TRPM5: variants seen among roughly 807,000 people sequenced by gnomAD.
TRPM5 encodes transient receptor potential cation channel subfamily M member 5, also known as MLSN1 and TRP-related.
In TRPM5, 121 loss-of-function variants were observed where a neutral mutation model predicts 124.9. The observed-to-expected ratio is 0.97, with a 90% CI of 0.84 to 1.13. TRPM5 has a LOEUF of 1.13. TRPM5 is among the 50% of genes most tolerant of loss of function. The pLI is 0.00. For synonymous variants in TRPM5, 781 were observed against 700.5 expected (o/e 1.11, Z -1.81); for missense variants, 1,643 against 1,589.1 (o/e 1.03, Z -0.58).
chr11:2,404,767 G>C (rs1014043682), exon 24 of TRPM5: 8 of 587,932 alleles, frequency 1.4e-5, no homozygotes, highest in Non-Finnish European at 2.4e-5. Flanking sequence ...GGAGGGACAA[G>C]GAGCGGTTCC....
At chr11:2,417,702 C>T (rs757057222) in intron 7 of TRPM5, 25 bp downstream of exon 12, 2 of 1,244,856 alleles carry the variant, frequency 1.6e-6, no homozygotes, top group Non-Finnish European at 1.2e-6. Flanking sequence ...ATGGCGCCTG[C>T]CTTGCCCACC....
chr11:2,415,025 G>T, exon 10 of TRPM5: 1 of 1,602,770 alleles, frequency 6.2e-7, no homozygotes, highest in Non-Finnish European at 8.5e-7. Context: ...CTGGCCCGTG[G>T]GCCGCTTGGC....
intron 12 of TRPM5, 114 bp from the exon 18 acceptor site, chr11:2,413,702 C>A: frequency 1.0e-6 from 1 of 974,794 alleles, no homozygotes; most frequent in Non-Finnish European, 1.6e-6. Context: ...AAGGGGTGCC[C>A]AGCCCAGCCC....
upstream of TRPM5, among the ~76,000 whole-genome samples, chr11:2,425,046 T>C (rs1208008960): frequency 1.3e-5 from 2 of 152,204 alleles, no homozygotes; most frequent in Non-Finnish European, 2.9e-5. Context: ...AGAGGCAGGA[T>C]TTGAATACGG....
intron 20 of TRPM5, 136 bp downstream of exon 25, chr11:2,406,983 G>A (rs1326629650): frequency 1.5e-6 from 2 of 1,313,978 alleles, no homozygotes; most frequent in Non-Finnish European, 2.0e-6. Flanking sequence ...GTGCCAGCCT[G>A]CACAGAGCCC....
At position 2,418,609 on chromosome 11, in the gene TRPM5, G is replaced by A. The variant is rs767682682; in HGVS notation, c.650-18C>T. 144 of 1,607,000 alleles carry A rather than the reference G, an allele frequency of 9.0e-5. No homozygotes were observed. The highest frequency in any genetic ancestry group is 1.1e-4 in the Non-Finnish European group (131 of 1,177,418). ...GCCAGTGCCTGTGGACAGGGCACCC[G>A]TGAGGCCTGAGGACCCTCCGCCTGG... On this transcript the variant is annotated intron_variant, in intron 4 of 23. Transcript: ENST00000155858.
chr11:2,443,984 G>A, the TRPM5 span, among the ~76,000 whole-genome samples: 1 of 152,184 alleles, frequency 6.6e-6, no homozygotes, highest in Non-Finnish European at 1.5e-5. The surrounding 1 kb of genome is among the most constrained non-coding windows in gnomAD (Gnocchi z 5.0). Flanking sequence ...GGGAGGACAA[G>A]GCGCCCATTC....
At chr11:2,420,186 C>T in intron 4 of TRPM5, 36 bp downstream of exon 9, 1 of 1,563,440 alleles carries the variant, frequency 6.4e-7, no homozygotes, top group Non-Finnish European at 8.6e-7. Flanking sequence ...CCCACTGGGT[C>T]CCAAGGCTTC....
the TRPM5 span, among the ~76,000 whole-genome samples, chr11:2,444,064 G>A: frequency 6.6e-6 from 1 of 151,864 alleles, no homozygotes; most frequent in Non-Finnish European, 1.5e-5. Context: ...GCTATGCCCG[G>A]CAGTCAAACC....
chr11:2,405,122 G>A (rs2133493807), intron 23 of TRPM5, 79 bp from the exon 29 acceptor site: 1 of 1,265,044 alleles, frequency 7.9e-7, no homozygotes, highest in East Asian at 2.5e-5. Flanking sequence ...CTGGCTCAGA[G>A]GCAAGGGCCA....
chr11:2,421,203 G>A lies in TRPM5; in HGVS notation c.299-5C>T, dbSNP rs1250441623. On this transcript the variant is annotated splice_region_variant and splice_polypyrimidine_tract_variant and intron_variant, in intron 2 of 23. Transcript: ENST00000155858. ...CACTGGTCAGGATCCAGGCTCCTGT[G>A]GGGATGGAAGAGGGCCTCGTTGTGC... The A allele has an allele frequency of 6.5e-7, 1 of 1,535,102 alleles. No individual in the cohort carries two copies. Among genetic ancestry groups the A allele is most frequent in the Non-Finnish European group, 8.7e-7 (1 of 1,143,710 alleles).
At position 2,407,190 on chromosome 11, in the gene TRPM5, A is replaced by C. The variant is rs755861367; in HGVS notation, c.3047T>G (p.Leu1016Arg). 3 of 1,607,098 alleles carry C rather than the reference A, an allele frequency of 1.9e-6. No individual in the cohort carries two copies. In the South Asian group the frequency reaches 3.3e-5, roughly 18 times the overall value. The change falls in exon 20 of 24, where the codon CTG becomes CGG. Residue 1016 changes from leucine to arginine, a missense_variant. Physicochemically the swap from Leu to Arg is moderately radical, Grantham distance 102. Coordinates refer to ENST00000155858, the Ensembl canonical transcript of TRPM5. ...GAGCGTCAGGCTCAGGTGGCTGAGC[A>C]GGATGAAGGGCGGGGCCAGGGCGGG...
intron 6 of TRPM5, 87 bp downstream of exon 11, chr11:2,418,080 G>A (rs1227059701): frequency 1.6e-6 from 2 of 1,277,494 alleles, no homozygotes; most frequent in Non-Finnish European, 2.2e-6. Flanking sequence ...GGAGTGGGCT[G>A]GAGGCTGCAT....
intron 18 of TRPM5, among the ~76,000 whole-genome samples, chr11:2,409,693 G>A (rs1850403737): frequency 6.6e-6 from 1 of 152,132 alleles, no homozygotes; most frequent in African/African-American, 2.4e-5. Flanking sequence ...AACCTGAAGG[G>A]CCCAGATACT....
At chr11:2,422,056 C>T (rs111967878) in intron 2 of TRPM5, 85 bp downstream of exon 7, 14,857 of 857,980 alleles carry the variant, frequency 0.017, 2 homozygotes, top group Admixed American at 0.041. Flanking sequence ...GGTGGGAGCA[C>T]TGCCTGTGCC....
intron 4 of TRPM5, among the ~76,000 whole-genome samples, chr11:2,419,002 G>A (rs192608944): frequency 4.6e-5 from 7 of 152,232 alleles, no homozygotes; most frequent in Admixed American, 6.5e-5. Context: ...AGGTACAGGA[G>A]GGAGTCTTCA....
exon 12 of TRPM5, chr11:2,414,119 C>T (rs1221128456): frequency 6.2e-7 from 1 of 1,602,024 alleles, no homozygotes; most frequent in South Asian, 1.1e-5. Flanking sequence ...CAGGTGCAGG[C>T]AGGTGGTCTT....
intron 4 of TRPM5, 98 bp downstream of exon 9, chr11:2,420,124 C>T (rs987308570): frequency 2.9e-5 from 40 of 1,399,140 alleles, no homozygotes; most frequent in Admixed American, 1.1e-4. Context: ...GGAAGCCCTC[C>T]CCCTTCTCCC....
chr11:2,418,734 A>G (rs1845725095), intron 4 of TRPM5, 143 bp from the exon 10 acceptor site: 1 of 805,938 alleles, frequency 1.2e-6, no homozygotes. Flanking sequence ...CACGTGACAC[A>G]GGCTGCTTAT....
Sources: gnomAD v4.1 joint callset for allele counts (sites outside exome capture counted in the v4.1 genomes callset) on GRCh38, gnomAD v4.1.1 for gene constraint, Gnocchi (gnomAD v3.1) non-coding constraint, MANE v1.5 for transcripts, NCBI Gene and HGNC (gene_info 2026-07-23, HGNC 2026-07-21) for gene names.